Variants in RCAN2 observed in about 807,000 individuals in gnomAD.
The protein encoded by RCAN2 is calcipressin-2.
In RCAN2, 9 loss-of-function variants were observed where a neutral mutation model predicts 23.6. The ratio of observed to expected loss-of-function variants is 0.38; its 90% CI spans 0.23 to 0.67. The LOEUF (loss-of-function observed/expected upper bound fraction) is 0.67. Among genes scored for constraint, RCAN2 ranks in the 30% least tolerant of loss-of-function variants. The probability of loss-of-function intolerance (pLI) is 0.51; values close to 1 mark genes in which losing one functional copy is unlikely to be tolerated. For synonymous variants in RCAN2, 109 were observed against 115.7 expected, an observed-to-expected ratio of 0.94 and a Z score of 0.37; for missense variants, 273 against 302.3, an observed-to-expected ratio of 0.90 and a Z score of 0.72.
intron 2 of RCAN2, among the ~76,000 whole-genome samples, chr6:46,352,402 C>A (rs934087403): frequency 2.6e-5 from 4 of 152,146 alleles, no homozygotes; most frequent in African/African-American, 9.7e-5. Context: ...CTCCATCCCA[C>A]CCCGTCCTCC....
intron 2 of RCAN2, among the ~76,000 whole-genome samples, chr6:46,262,308 C>T (rs1767135612): frequency 6.6e-6 from 1 of 152,138 alleles, no homozygotes; most frequent in South Asian, 2.1e-4. Flanking sequence ...GCACTATGTT[C>T]TCTGGACCTT....
chr6:46,238,139 T>C (rs1232499469), intron 4 of RCAN2, among the ~76,000 whole-genome samples: 3 of 152,192 alleles, frequency 2.0e-5, no homozygotes, highest in African/African-American at 7.2e-5. Flanking sequence ...GTTCTTGTCT[T>C]CCCCTAGTTT....
chr6:46,460,037 C>T (rs1279547997), intron 1 of RCAN2, among the ~76,000 whole-genome samples: 1 of 151,590 alleles, frequency 6.6e-6, no homozygotes, highest in East Asian at 1.9e-4. Context: ...ACTGGTTTGT[C>T]TTTGTTTCCT....
chr6:46,440,043 T>C (rs1225555218), intron 2 of RCAN2, among the ~76,000 whole-genome samples: 2 of 152,158 alleles, frequency 1.3e-5, no homozygotes, highest in Admixed American at 1.3e-4. Flanking sequence ...AGGGAAAGAA[T>C]AAAACTCTCA....
At chr6:46,471,158 C>A (rs923338055) in intron 1 of RCAN2, among the ~76,000 whole-genome samples, 2 of 152,150 alleles carry the variant, frequency 1.3e-5, no homozygotes, top group Non-Finnish European at 2.9e-5. Flanking sequence ...ACATGTGGAG[C>A]CTTACAAGCC....
chr6:46,232,378 C>T (rs1582009796), intron 4 of RCAN2, among the ~76,000 whole-genome samples: 1 of 152,168 alleles, frequency 6.6e-6, no homozygotes, highest in Non-Finnish European at 1.5e-5. Context: ...AAATCTACAA[C>T]AAACCAGCTT....
At chr6:46,271,961 G>T (rs1031556910) in intron 2 of RCAN2, among the ~76,000 whole-genome samples, 95 of 152,128 alleles carry the variant, frequency 6.2e-4, no homozygotes, top group African/African-American at 2.3e-3. Flanking sequence ...TGTAGTAATT[G>T]GGCCAAGGTA....
chr6:46,441,099 CT>C (rs571623169), intron 2 of RCAN2, among the ~76,000 whole-genome samples: 675 of 152,230 alleles, frequency 4.4e-3, no homozygotes, highest in Middle Eastern at 0.031. Context: ...AGTCACAGAT[CT>C]GGGTCGCAGG....
At chr6:46,400,485 T>C (rs1411354336) in intron 2 of RCAN2, among the ~76,000 whole-genome samples, 4 of 152,140 alleles carry the variant, frequency 2.6e-5, no homozygotes, top group African/African-American at 7.2e-5. Context: ...GTAAAAACCA[T>C]AGATCCCTGC....
chr6:46,280,571 T>C (rs1412622090), intron 2 of RCAN2, among the ~76,000 whole-genome samples: 1 of 152,080 alleles, frequency 6.6e-6, no homozygotes, highest in African/African-American at 2.4e-5. Flanking sequence ...AATAACCATG[T>C]TATAACGTAA....
intron 2 of RCAN2, among the ~76,000 whole-genome samples, chr6:46,319,113 A>G (rs1378980830): frequency 6.6e-6 from 1 of 152,232 alleles, no homozygotes; most frequent in Non-Finnish European, 1.5e-5. Flanking sequence ...TAGGCCAGGT[A>G]TGAGTTGGAT....
At chr6:46,307,763 T>C (rs1260483421) in intron 2 of RCAN2, among the ~76,000 whole-genome samples, 3 of 152,038 alleles carry the variant, frequency 2.0e-5, no homozygotes, top group Non-Finnish European at 1.5e-5. Context: ...TGAAGAACAC[T>C]GAAGGAATGA....
chr6:46,271,762 T>A (rs139656922), intron 2 of RCAN2, among the ~76,000 whole-genome samples: 27 of 152,346 alleles, frequency 1.8e-4, no homozygotes, highest in Non-Finnish European at 2.6e-4. Context: ...GTAGTAGGGA[T>A]AACCTGGATA....
At chr6:46,442,962 T>C (rs925807475) in intron 2 of RCAN2, among the ~76,000 whole-genome samples, 2 of 152,188 alleles carry the variant, frequency 1.3e-5, no homozygotes. Flanking sequence ...GGGCCTCTCA[T>C]CTGGCAGGTG....
At chr6:46,399,820 C>T (rs760116208) in intron 2 of RCAN2, among the ~76,000 whole-genome samples, 1 of 152,100 alleles carries the variant, frequency 6.6e-6, no homozygotes, top group Non-Finnish European at 1.5e-5. Context: ...AGGATGATCT[C>T]ATCTTGAGAT....
At chr6:46,340,687 C>CT (rs548848583) in intron 2 of RCAN2, among the ~76,000 whole-genome samples, 3 of 152,190 alleles carry the variant, frequency 2.0e-5, no homozygotes, top group Non-Finnish European at 4.4e-5. Flanking sequence ...AGTCTCTCTT[C>CT]TGGTAAGCCC....
intron 2 of RCAN2, among the ~76,000 whole-genome samples, chr6:46,406,685 C>T (rs1210237382): frequency 1.3e-5 from 2 of 152,170 alleles, no homozygotes; most frequent in Non-Finnish European, 2.9e-5. Flanking sequence ...TTTGCTTTAC[C>T]ATAAATTGGC....
chr6:46,466,273 T>C (rs1768378376), intron 1 of RCAN2, among the ~76,000 whole-genome samples: 1 of 152,196 alleles, frequency 6.6e-6, no homozygotes, highest in Admixed American at 6.5e-5. Flanking sequence ...ATCTTTCACC[T>C]TTGGTTTTCA....
intron 4 of RCAN2, among the ~76,000 whole-genome samples, 172 bp from the exon 5 acceptor site, chr6:46,223,473 T>C (rs1298752500): frequency 6.6e-6 from 1 of 152,136 alleles, no homozygotes; most frequent in Non-Finnish European, 1.5e-5. Flanking sequence ...AATTTCCTCC[T>C]ATCCTGGCTC....
Sources: gnomAD v4.1 joint callset for allele counts (sites outside exome capture counted in the v4.1 genomes callset) on GRCh38, gnomAD v4.1.1 for gene constraint, MANE v1.5 for transcripts, NCBI Gene and HGNC (gene_info 2026-07-23, HGNC 2026-07-21) for gene names.